Variants in CCDC171 observed in about 807,000 individuals in gnomAD.
CCDC171 encodes the protein coiled-coil domain-containing protein 171.
In CCDC171, 177 loss-of-function variants were observed where a neutral mutation model predicts 168.2. That is an observed-to-expected ratio of 1.05 (90% CI 0.93 to 1.19). The LOEUF (loss-of-function observed/expected upper bound fraction) is 1.19, where lower values mean the gene tolerates loss of function less well. CCDC171 is among the 50% of genes most tolerant of loss of function. The probability of loss-of-function intolerance (pLI) is 0.00; values close to 1 mark genes in which losing one functional copy is unlikely to be tolerated. For missense variants in CCDC171, 1,991 were observed against 1,539.0 expected (o/e 1.29, Z -4.91); for synonymous variants, 687 against 540.8 (o/e 1.27, Z -3.75).
chr9:16,039,373 C>T (rs541493248), upstream of CCDC171, among the ~76,000 whole-genome samples: 1 of 152,244 alleles, frequency 6.6e-6, no homozygotes, highest in Admixed American at 6.5e-5. Flanking sequence ...TTTCCTTCTG[C>T]GTTTTAAGTT....
chr9:15,599,080 G>C (rs2042618212), intron 6 of CCDC171, among the ~76,000 whole-genome samples: 1 of 152,162 alleles, frequency 6.6e-6, no homozygotes, highest in African/African-American at 2.4e-5. Context: ...ACAGCACGCT[G>C]ATGGGCCTTG....
rs1025617754 is a variant in CCDC171, at chr9:15,614,773, G to C, written c.676-8494G>C. Among the ~76,000 whole-genome samples the C allele has an allele frequency of 3.9e-5, 6 of 152,222 alleles. No individual in the cohort carries two copies. The South Asian group carries it at 1.2e-3, about 32-fold the overall frequency. On this transcript the variant is annotated intron_variant, in intron 6 of 25. Transcript: ENST00000380701. The stretch of plus-strand genomic sequence containing the variant: ...GAGTGAAGGACTAAAAAGTTTCCTA[G>C]AAACTTTGAGTGTCTGGGTGAGGCT...
At chr9:15,673,750 C>T (rs1256710123) in intron 9 of CCDC171, among the ~76,000 whole-genome samples, 1 of 152,138 alleles carries the variant, frequency 6.6e-6, no homozygotes, top group Non-Finnish European at 1.5e-5. Flanking sequence ...TTCAGTTTGC[C>T]AGTATTTTAA....
intron 3 of CCDC171, among the ~76,000 whole-genome samples, chr9:15,989,456 G>T (rs926636282): frequency 6.6e-6 from 1 of 152,058 alleles, no homozygotes; most frequent in Non-Finnish European, 1.5e-5. Flanking sequence ...CCAAAGGTAG[G>T]TAAACCCTCA....
intron 25 of CCDC171, among the ~76,000 whole-genome samples, chr9:15,953,870 C>CT (rs971415137): frequency 1.3e-5 from 2 of 151,340 alleles, no homozygotes; most frequent in African/African-American, 2.4e-5. Context: ...AGATCTTTTC[C>CT]TTTTTTTTAA....
intron 24 of CCDC171, among the ~76,000 whole-genome samples, chr9:15,902,281 T>TATACACAC (rs1554673437): frequency 6.9e-6 from 1 of 145,160 alleles, no homozygotes; most frequent in African/African-American, 2.6e-5. Flanking sequence ...TATATATATA[T>TATACACAC]ACACACACAC....
chr9:15,662,979 T>TCAACAACAACAA (rs139672521), intron 8 of CCDC171, among the ~76,000 whole-genome samples: 5 of 150,122 alleles, frequency 3.3e-5, no homozygotes, highest in African/African-American at 9.8e-5. Context: ...AGACTTCGTC[T>TCAACAACAACAA]CAACAACAAC....
chr9:15,975,739 A>G (rs1186561466), downstream of CCDC171, among the ~76,000 whole-genome samples: 1 of 152,202 alleles, frequency 6.6e-6, no homozygotes, highest in East Asian at 1.9e-4. Context: ...CTCCTAGGAT[A>G]AAGATTTAAA....
At chr9:16,082,168 A>G in the CCDC171 span, among the ~76,000 whole-genome samples, 1 of 152,238 alleles carries the variant, frequency 6.6e-6, no homozygotes, top group African/African-American at 2.4e-5. Context: ...TTTCATTTCT[A>G]GACAACTGCC....
the CCDC171 span, among the ~76,000 whole-genome samples, chr9:16,108,676 T>C: frequency 6.6e-6 from 1 of 152,174 alleles, no homozygotes; most frequent in South Asian, 2.1e-4. Flanking sequence ...CCACAAAGCA[T>C]GTAAGAGATG....
At chr9:15,990,105 C>G (rs1455622762) in intron 3 of CCDC171, among the ~76,000 whole-genome samples, 2 of 152,042 alleles carry the variant, frequency 1.3e-5, no homozygotes, top group African/African-American at 2.4e-5. Context: ...TCAAGAAGAG[C>G]AACTCCAAGA....
At position 15,594,180 on chromosome 9, in the gene CCDC171, A is replaced by G. The variant is rs1238063726; in HGVS notation, c.675+8A>G. The G allele has an allele frequency of 7.6e-7, 1 of 1,308,028 alleles. No homozygotes were observed. The highest frequency in any genetic ancestry group is 1.1e-6 in the Non-Finnish European group (1 of 931,412). The allele number at this position is 1,308,028 out of a possible 1,614,324, so 81.0% of individuals were successfully genotyped here. ...TTACAATTTATAGTACAGGTATTTT[A>G]AAAATAATCAGTTCCTTAAATATAT... is the stretch of plus-strand genomic sequence containing the variant. On this transcript the variant is annotated splice_region_variant and intron_variant, in intron 6 of 25. Transcript: ENST00000380701.
At chr9:15,655,779 C>T (rs2047880356) in intron 7 of CCDC171, among the ~76,000 whole-genome samples, 2 of 152,072 alleles carry the variant, frequency 1.3e-5, no homozygotes, top group East Asian at 1.9e-4. Context: ...AAAGAAGATA[C>T]ACAGTTGGCA....
chr9:15,673,995 G>T (rs185035154), intron 9 of CCDC171, among the ~76,000 whole-genome samples: 19 of 152,172 alleles, frequency 1.2e-4, no homozygotes, highest in African/African-American at 4.3e-4. Flanking sequence ...TTTTTTGGTT[G>T]AGAGGCTATT....
chr9:15,987,417 A>G (rs990621844), intron 3 of CCDC171, among the ~76,000 whole-genome samples: 13 of 151,776 alleles, frequency 8.6e-5, no homozygotes, highest in African/African-American at 2.9e-4. Flanking sequence ...CCTTGAACCT[A>G]AAATAAAAGT....
intron 23 of CCDC171, among the ~76,000 whole-genome samples, chr9:15,852,936 A>G (rs1362351575): frequency 6.6e-6 from 1 of 151,630 alleles, no homozygotes; most frequent in Non-Finnish European, 1.5e-5. Flanking sequence ...ATTCTGTTCC[A>G]TTGAATTGTA....
At chr9:15,790,555 A>T (rs567916107) in intron 21 of CCDC171, among the ~76,000 whole-genome samples, 42 of 152,006 alleles carry the variant, frequency 2.8e-4, no homozygotes, top group East Asian at 9.7e-4. Context: ...TTGCCTGTTC[A>T]CTCTGATGGT....
At chr9:15,617,523 C>T (rs1338890760) in intron 6 of CCDC171, among the ~76,000 whole-genome samples, 1 of 151,898 alleles carries the variant, frequency 6.6e-6, no homozygotes, top group Non-Finnish European at 1.5e-5. Flanking sequence ...ACTACAGGTG[C>T]ACGCCACCAC....
intron 25 of CCDC171, among the ~76,000 whole-genome samples, chr9:15,924,189 C>A (rs1825650077): frequency 6.6e-6 from 1 of 151,412 alleles, no homozygotes; most frequent in Non-Finnish European, 1.5e-5. Context: ...TGTGGCCACA[C>A]ATAGCTGAAA....
Sources: gnomAD v4.1 joint callset for allele counts (sites outside exome capture counted in the v4.1 genomes callset) on GRCh38, gnomAD v4.1.1 for gene constraint, MANE v1.5 for transcripts, NCBI Gene and HGNC (gene_info 2026-07-23, HGNC 2026-07-21) for gene names.